Variants in SERPINA11 observed in about 807,000 individuals in gnomAD.
SERPINA11 encodes the protein serpin family A member 11.
SERPINA11 carries 28 observed loss-of-function variants against 29.4 expected under a neutral mutation model. That is an observed-to-expected ratio of 0.95 (90% CI 0.70 to 1.30). The LOEUF (loss-of-function observed/expected upper bound fraction) is 1.30, where lower values mean the gene tolerates loss of function less well. Among genes scored for constraint, SERPINA11 ranks in the 50% most tolerant of loss-of-function variants. The probability of loss-of-function intolerance (pLI) is 0.00; values close to 1 mark genes in which losing one functional copy is unlikely to be tolerated. For synonymous variants in SERPINA11, 253 were observed against 206.6 expected, an observed-to-expected ratio of 1.22 and a Z score of -1.92; for missense variants, 530 against 507.3, an observed-to-expected ratio of 1.04 and a Z score of -0.43.
chr14:94,451,927 A>G (rs1898594202), intron 1 of SERPINA11, among the ~76,000 whole-genome samples: 1 of 152,182 alleles, frequency 6.6e-6, no homozygotes, highest in African/African-American at 2.4e-5. Context: ...TATATTCGTG[A>G]AGTATAATAT....
chr14:94,442,837 C>T (rs925451579), intron 4 of SERPINA11, 28 bp from the exon 5 acceptor site: 2 of 1,563,076 alleles, frequency 1.3e-6, no homozygotes, highest in Non-Finnish European at 1.7e-6. Context: ...ATGAAGACAG[C>T]ATCAGTTTGG....
chr14:94,446,293 A>C lies in SERPINA11; in HGVS notation c.917+38T>G, dbSNP rs750494944. 5.7e-6 allele frequency: 9 copies of C among 1,583,352 alleles called. No homozygotes were observed. In the East Asian group the frequency reaches 1.8e-4, roughly 31 times the overall value. On this transcript the variant is annotated intron_variant, in intron 3 of 4. Coordinates refer to ENST00000334708, the MANE Select transcript of SERPINA11 (RefSeq NM_001080451.2). ...TGATCAAGACCTGCTGGGGTTCTTG[A>C]GCAAGGTCAGCCAGCATCCTTCTGC...
rs1328331070 is a variant in SERPINA11, at chr14:94,448,529, G to A, written c.246C>T (p.Thr82=). The change falls in exon 2 of 5, where the codon ACC becomes ACT. Residue 82 remains threonine, a synonymous_variant. Coordinates refer to ENST00000334708, the MANE Select transcript of SERPINA11 (RefSeq NM_001080451.2). ...CCCCAAGAGAGAGCAGGGCCAGGGT[G>A]GTGGAGATGCTCACTGGCGAGAAGA... ...NIFFSPVSIS[T]TLALLSLGAQ... 6.2e-7 allele frequency: 1 copy of A among 1,614,208 alleles called. No individual in the cohort carries two copies. Among genetic ancestry groups the A allele is most frequent in the South Asian group, 1.1e-5 (1 of 91,078 alleles).
At chr14:94,452,650 GAGAC>G (rs1898611055) in intron 1 of SERPINA11, 75 bp downstream of exon 1, 1 of 84,000 alleles carries the variant, frequency 1.2e-5, no homozygotes, top group Non-Finnish European at 2.8e-5. Flanking sequence ...CACACACACA[GAGAC>G]AGAGAGAGAG....
intron 3 of SERPINA11, among the ~76,000 whole-genome samples, chr14:94,444,056 G>T (rs79933913): frequency 0.01 from 1,566 of 152,234 alleles, 23 homozygotes; most frequent in African/African-American, 0.035. Context: ...TTTGACTCCT[G>T]GGCAATATGA....
In SERPINA11 at chr14:94,442,659, T is replaced by C. The variant is rs768678169; in HGVS notation, c.1216A>G (p.Thr406Ala). The C allele has an allele frequency of 6.2e-7, 1 of 1,612,640 alleles. No homozygotes were observed. Among genetic ancestry groups the C allele is most frequent in the Non-Finnish European group, 8.5e-7 (1 of 1,179,444 alleles). ...RPFLLLLWEVTTQSLLFLGKV... is the reference protein window; with the variant it reads ...RPFLLLLWEVATQSLLFLGKV... ...CCCAGGAAGAGTAAGCTCTGGGTGG[T>C]GACCTCCCAAAGGAGCAAGAGGAAA... Residue 406 changes from threonine to alanine, a missense_variant, in exon 5 of 5, where the codon ACC becomes GCC. Thr to Ala is a moderately conservative substitution (Grantham distance 58). Transcript: ENST00000334708.
In SERPINA11 at chr14:94,443,067, C is replaced by T; in HGVS notation, c.1065+11G>A. On this transcript the variant is annotated intron_variant, in intron 4 of 4. Transcript: ENST00000334708. ...CCACCTGCCCACAAACATCCATGTT[C>T]ACCACTTTACCTTGGAGATGGTTTT... 6.2e-7 allele frequency: 1 copy of T among 1,605,040 alleles called. No individual in the cohort carries two copies. The highest frequency in any genetic ancestry group is 8.5e-7 in the Non-Finnish European group (1 of 1,176,650).
rs115700005 is a variant in SERPINA11, at chr14:94,448,436, G to T, written c.339C>A (p.Ala113=). The T allele has an allele frequency of 1.2e-6, 2 of 1,614,144 alleles. No individual in the cohort carries two copies. Among genetic ancestry groups the T allele is most frequent in the Admixed American group, 3.3e-5 (2 of 60,016 alleles). ...LGFNLTETPE[A]DIHQGFRSLL... ...GGCTCCGGAAGCCCTGGTGGATGTCGGCTTCAGGGGTTTCTGTGAGGTTGA... is the reference window on the plus strand; with the variant it reads ...GGCTCCGGAAGCCCTGGTGGATGTCTGCTTCAGGGGTTTCTGTGAGGTTGA... Residue 113 remains alanine (A), a synonymous_variant, in exon 2 of 5, where the codon GCC becomes GCA. Transcript: ENST00000334708.
At position 94,442,739 on chromosome 14, in the gene SERPINA11, G is replaced by A; in HGVS notation, c.1136C>T (p.Ser379Phe). 1 of 1,613,740 alleles carries A rather than the reference G, an allele frequency of 6.2e-7. No individual in the cohort carries two copies. The highest frequency in any genetic ancestry group is 8.5e-7 in the Non-Finnish European group (1 of 1,179,904). Residue 379 changes from serine to phenylalanine, a missense_variant, in exon 5 of 5, where the codon TCC becomes TTC. Physicochemically the swap from Ser to Phe is radical, Grantham distance 155. Coordinates refer to ENST00000334708, the MANE Select transcript of SERPINA11 (RefSeq NM_001080451.2). Reference protein sequence around the residue: ...TEAGAASGLLSQPPSLNTMSD... With the variant: ...TEAGAASGLLFQPPSLNTMSD... ...CATGGTGTTCAGAGATGGGGGCTGG[G>A]AGAGGAGGCCTGAAGCAGCCCCGGC...
intron 3 of SERPINA11, among the ~76,000 whole-genome samples, 184 bp downstream of exon 3, chr14:94,446,147 A>G (rs1010439110): frequency 6.6e-6 from 1 of 152,302 alleles, no homozygotes; most frequent in South Asian, 2.1e-4. Flanking sequence ...GGCAGGTATC[A>G]TGTTCTTAGT....
intron 1 of SERPINA11, among the ~76,000 whole-genome samples, chr14:94,451,253 G>A (rs1185253977): frequency 6.6e-6 from 1 of 152,236 alleles, no homozygotes; most frequent in African/African-American, 2.4e-5. Context: ...GTGTCAGGAG[G>A]GACGAATGTG....
chr14:94,442,589 C>T lies in SERPINA11; in HGVS notation c.*17G>A. ...GGTCCAGGATGAGATAAGATAACTC[C>T]TGGCCTCCCACCATGGTTACCCTGC... On this transcript the variant is annotated 3_prime_UTR_variant, in exon 5 of 5. Transcript: ENST00000334708. 3 of 1,585,256 alleles carry T rather than the reference C, an allele frequency of 1.9e-6. No individual in the cohort carries two copies. Among genetic ancestry groups the T allele is most frequent in the South Asian group, 2.3e-5 (2 of 87,708 alleles).
At chr14:94,443,372 G>A (rs769410747) in intron 3 of SERPINA11, 147 bp from the exon 4 acceptor site, 27 of 701,820 alleles carry the variant, frequency 3.8e-5, no homozygotes, top group South Asian at 7.8e-5. Flanking sequence ...TCACTATGGC[G>A]GACCATGCCA....
In SERPINA11 at chr14:94,448,304, G is replaced by A. The variant is rs897603517; in HGVS notation, c.471C>T (p.Ile157=). The A allele has an allele frequency of 1.3e-5, 21 of 1,614,236 alleles. No individual in the cohort carries two copies. The Admixed American group carries it at 2.5e-4, about 19-fold the overall frequency. ...AAGCAAAAGCTCCATAAAGCTCCTT[G>A]ATGCTGTCCAAATAGTGCTGCCGAG... ...LKPRQHYLDS[I]KELYGAFAFS... Residue 157 remains isoleucine (I), a synonymous_variant, in exon 2 of 5, where the codon ATC becomes ATT. Transcript: ENST00000334708.
intron 2 of SERPINA11, among the ~76,000 whole-genome samples, chr14:94,447,192 G>A (rs1221302878): frequency 6.6e-6 from 1 of 152,190 alleles, no homozygotes; most frequent in Non-Finnish European, 1.5e-5. Flanking sequence ...TCATGCATTA[G>A]GCAAAAGCCC....
At chr14:94,449,434 TTTCTTTCTTTC>T (rs1334890744) in intron 1 of SERPINA11, among the ~76,000 whole-genome samples, 2 of 103,020 alleles carry the variant, frequency 1.9e-5, no homozygotes, top group Non-Finnish European at 3.6e-5. Flanking sequence ...TCTTTCTTTC[TTTCTTTCTTTC>T]TTTCTTTCTT....
chr14:94,446,231 C>T, intron 3 of SERPINA11, 100 bp downstream of exon 3: 1 of 1,124,052 alleles, frequency 8.9e-7, no homozygotes, highest in East Asian at 2.4e-5. Flanking sequence ...GATGGTGAGC[C>T]TAATCGAGAT....
rs1336473771 is a variant in SERPINA11 at position 94,446,531 on chromosome 14, A to C, written c.717T>G (p.Ser239=). Residue 239 remains serine, a synonymous_variant, in exon 3 of 5, where the codon TCT becomes TCG. Transcript: ENST00000334708. ...QESFFVDERT[S]LQVPMMHQKE... ...TTTGGTGCATCATGGGGACCTGGAG[A>C]GAAGTCCTCTCATCCACAAAGAAAC... The C allele has an allele frequency of 6.2e-7, 1 of 1,614,070 alleles. No individual in the cohort carries two copies. Among genetic ancestry groups the C allele is most frequent in the Non-Finnish European group, 8.5e-7 (1 of 1,179,914 alleles).
intron 2 of SERPINA11, among the ~76,000 whole-genome samples, chr14:94,447,923 C>G (rs1595654267): frequency 6.6e-6 from 1 of 152,206 alleles, no homozygotes; most frequent in Non-Finnish European, 1.5e-5. Context: ...CACCCAATGC[C>G]TATGCAAGGA....
Sources: allele counts gnomAD v4.1 joint callset (sites outside exome capture counted in the v4.1 genomes callset), GRCh38; gene constraint gnomAD v4.1.1; transcripts MANE v1.5; gene names NCBI Gene and HGNC (gene_info 2026-07-23, HGNC 2026-07-21).